Variants in RASSF8 observed in about 807,000 individuals in gnomAD.
RASSF8 encodes the protein ras association domain-containing protein 8.
Under a neutral mutation model 48.5 loss-of-function variants are expected in RASSF8, and 22 were observed. The observed-to-expected ratio is 0.45, with a 90% CI of 0.32 to 0.65. The LOEUF (loss-of-function observed/expected upper bound fraction) is 0.65, where lower values mean the gene tolerates loss of function less well. Among genes scored for constraint, RASSF8 ranks in the 30% least tolerant of loss-of-function variants. RASSF8 has a pLI of 0.03. For missense variants in RASSF8, 418 were observed against 489.2 expected, an observed-to-expected ratio of 0.85 and a Z score of 1.37; for synonymous variants, 127 against 171.5, an observed-to-expected ratio of 0.74 and a Z score of 2.03.
intron 2 of RASSF8, among the ~76,000 whole-genome samples, chr12:26,033,439 T>C (rs1256846096): frequency 6.6e-6 from 1 of 152,200 alleles, no homozygotes; most frequent in Non-Finnish European, 1.5e-5. Flanking sequence ...TTCCACTATA[T>C]TTGTGTTAAA....
At chr12:26,011,000 T>C (rs2137022060) in intron 2 of RASSF8, among the ~76,000 whole-genome samples, 1 of 152,278 alleles carries the variant, frequency 6.6e-6, no homozygotes, top group African/African-American at 2.4e-5. Context: ...AATCCAAAAG[T>C]GATAGATATC....
rs1270450676 is a variant in RASSF8 at position 26,069,192 on chromosome 12, G to T, written c.*374G>T. 4 of 989,136 alleles carry T rather than the reference G, an allele frequency of 4.0e-6. No individual in the cohort carries two copies. 61.3% of individuals were successfully genotyped at this position (989,136 alleles called of 1,614,324 possible). Reference sequence around the variant, plus strand: ...GTTTAATTTATTTCATGTAATCAATGTGTGAATGTTGATGTTTTAATATTT... The same window carrying T: ...GTTTAATTTATTTCATGTAATCAATTTGTGAATGTTGATGTTTTAATATTT... On this transcript the variant is annotated 3_prime_UTR_variant, in exon 6 of 6. Coordinates refer to ENST00000689635, the MANE Select transcript of RASSF8 (RefSeq NM_001394098.1).
At chr12:26,039,282 G>A (rs2137148668) in intron 2 of RASSF8, among the ~76,000 whole-genome samples, 1 of 152,286 alleles carries the variant, frequency 6.6e-6, no homozygotes, top group Non-Finnish European at 1.5e-5. Context: ...CTCTCTGTCT[G>A]CTGCTCATAG....
intron 2 of RASSF8, among the ~76,000 whole-genome samples, chr12:26,046,444 A>G (rs1943374174): frequency 6.6e-6 from 1 of 152,226 alleles, no homozygotes; most frequent in South Asian, 2.1e-4. Flanking sequence ...TTGTTTAATA[A>G]TTCATGTCAC....
intron 1 of RASSF8, among the ~76,000 whole-genome samples, chr12:25,975,158 G>A (rs1592221768): frequency 2.0e-5 from 3 of 152,188 alleles, no homozygotes; most frequent in Non-Finnish European, 4.4e-5. Context: ...GAGGATGAAA[G>A]GCATTTTTTC....
At chr12:26,017,129 TA>T (rs1231567227) in intron 2 of RASSF8, among the ~76,000 whole-genome samples, 2 of 150,404 alleles carry the variant, frequency 1.3e-5, no homozygotes, top group Non-Finnish European at 3.0e-5. Context: ...AATATTTTTT[TA>T]AAAAAATTTT....
At chr12:26,056,205 C>G (rs764683479) in intron 3 of RASSF8, among the ~76,000 whole-genome samples, 1 of 152,018 alleles carries the variant, frequency 6.6e-6, no homozygotes, top group African/African-American at 2.4e-5. Context: ...AAAATAAAAT[C>G]TTATTATACA....
At chr12:26,054,093 C>G (rs746861348) in intron 2 of RASSF8, among the ~76,000 whole-genome samples, 4 of 152,188 alleles carry the variant, frequency 2.6e-5, no homozygotes, top group Non-Finnish European at 4.4e-5. Flanking sequence ...AACCTATAAA[C>G]AAATCCAAAT....
At chr12:25,960,361 T>A (rs943364521) in intron 1 of RASSF8, among the ~76,000 whole-genome samples, 3 of 152,186 alleles carry the variant, frequency 2.0e-5, no homozygotes, top group Non-Finnish European at 4.4e-5. Flanking sequence ...GAGGCGGTAG[T>A]GAATGCCAGC....
chr12:26,032,159 T>G (rs758972202), intron 2 of RASSF8, among the ~76,000 whole-genome samples: 2 of 152,228 alleles, frequency 1.3e-5, no homozygotes, highest in Non-Finnish European at 2.9e-5. Flanking sequence ...TGTAGCAGTT[T>G]GTTAGCCCAG....
chr12:26,015,315 A>G (rs750762611), intron 2 of RASSF8, among the ~76,000 whole-genome samples: 2 of 152,168 alleles, frequency 1.3e-5, no homozygotes, highest in African/African-American at 4.8e-5. Context: ...GCACTTTGTC[A>G]TGGAGATCAG....
chr12:25,986,234 C>T (rs1389551794), intron 1 of RASSF8, among the ~76,000 whole-genome samples: 1 of 152,102 alleles, frequency 6.6e-6, no homozygotes, highest in African/African-American at 2.4e-5. Context: ...GATCTTCTTC[C>T]TCCAGGCTCC....
chr12:25,959,192 G>C (rs927784618), intron 1 of RASSF8, 44 bp downstream of exon 1: 4 of 152,204 alleles, frequency 2.6e-5, no homozygotes, highest in Non-Finnish European at 5.9e-5. Flanking sequence ...GGGCTGCGCC[G>C]GGGACCCCGC....
chr12:26,051,662 C>CT (rs1943493534), intron 2 of RASSF8, among the ~76,000 whole-genome samples: 1 of 152,110 alleles, frequency 6.6e-6, no homozygotes, highest in Non-Finnish European at 1.5e-5. Context: ...TTATGCACTG[C>CT]TGATTAAAAC....
intron 1 of RASSF8, among the ~76,000 whole-genome samples, chr12:25,972,857 A>G (rs1310746618): frequency 6.6e-6 from 1 of 152,244 alleles, no homozygotes; most frequent in Admixed American, 6.5e-5. Context: ...CAGCATTATC[A>G]GCATCTCCAT....
chr12:26,034,070 T>A (rs1179501722), intron 2 of RASSF8, among the ~76,000 whole-genome samples: 1 of 151,868 alleles, frequency 6.6e-6, no homozygotes, highest in Non-Finnish European at 1.5e-5. Context: ...AGAAAGATGT[T>A]CCAAGCAGAG....
chr12:26,058,538 G>GCGCACGCACACA (rs377669426), intron 3 of RASSF8, among the ~76,000 whole-genome samples: 15 of 148,998 alleles, frequency 1.0e-4, no homozygotes, highest in African/African-American at 2.5e-4. Flanking sequence ...ACGCGCGCGC[G>GCGCACGCACACA]CACACACACA....
At chr12:26,054,927 A>C (rs1943569976) in intron 2 of RASSF8, among the ~76,000 whole-genome samples, 1 of 152,206 alleles carries the variant, frequency 6.6e-6, no homozygotes, top group Admixed American at 6.5e-5. Context: ...GAAATAATCC[A>C]AAAAGAAAAA....
At chr12:26,013,793 C>G (rs1565618720) in intron 2 of RASSF8, among the ~76,000 whole-genome samples, 2 of 152,168 alleles carry the variant, frequency 1.3e-5, no homozygotes, top group South Asian at 2.1e-4. Context: ...ATAAAAAAAT[C>G]CTTTTTCCTT....
Sources: allele counts gnomAD v4.1 joint callset (sites outside exome capture counted in the v4.1 genomes callset), GRCh38; gene constraint gnomAD v4.1.1; transcripts MANE v1.5; gene names NCBI Gene and HGNC (gene_info 2026-07-23, HGNC 2026-07-21).